FSTL5: variants seen among roughly 807,000 people sequenced by gnomAD.
FSTL5 encodes follistatin-related protein 5.
A neutral mutation model predicts 89.1 loss-of-function variants in FSTL5; 62 were observed. The ratio of observed to expected loss-of-function variants is 0.70; its 90% CI spans 0.57 to 0.86. The LOEUF (loss-of-function observed/expected upper bound fraction) is 0.86, where lower values mean the gene tolerates loss of function less well. FSTL5 is among the 40% of genes least tolerant of loss of function. FSTL5 has a pLI of 0.00. For missense variants in FSTL5, 1,057 were observed against 1,001.6 expected (o/e 1.06, Z -0.75); for synonymous variants, 383 against 346.2 (o/e 1.11, Z -1.18).
intron 6 of FSTL5, among the ~76,000 whole-genome samples, chr4:161,707,926 C>T (rs760182869): frequency 7.2e-5 from 11 of 151,964 alleles, no homozygotes; most frequent in Non-Finnish European, 1.0e-4. Context: ...TTAAGAGATA[C>T]TCATTTTCCC....
chr4:161,720,566 T>C (rs1433721120), intron 6 of FSTL5, among the ~76,000 whole-genome samples: 1 of 152,206 alleles, frequency 6.6e-6, no homozygotes, highest in African/African-American at 2.4e-5. Flanking sequence ...TACTCCTATG[T>C]TCATTATGGT....
At chr4:162,112,273 C>T (rs1731474267) in intron 1 of FSTL5, among the ~76,000 whole-genome samples, 1 of 152,062 alleles carries the variant, frequency 6.6e-6, no homozygotes, top group Admixed American at 6.6e-5. Flanking sequence ...TTGCTCTATG[C>T]TGTATTTTGG....
At chr4:161,630,961 G>A (rs538647500) in intron 7 of FSTL5, among the ~76,000 whole-genome samples, 103 of 152,156 alleles carry the variant, frequency 6.8e-4, no homozygotes, top group Non-Finnish European at 1.2e-3. Context: ...GCTCTTCTGC[G>A]TTTTTCCAAT....
intron 2 of FSTL5, among the ~76,000 whole-genome samples, chr4:162,044,785 T>C (rs1443487180): frequency 3.3e-5 from 5 of 152,210 alleles, no homozygotes; most frequent in African/African-American, 1.2e-4. Flanking sequence ...TCTTATATTA[T>C]AGAGACAGCT....
At chr4:162,014,930 G>A (rs1341491260) in intron 3 of FSTL5, among the ~76,000 whole-genome samples, 5 of 152,128 alleles carry the variant, frequency 3.3e-5, no homozygotes, top group Non-Finnish European at 7.4e-5. Context: ...AAAAACAGCA[G>A]CTAGAAATGC....
intron 6 of FSTL5, among the ~76,000 whole-genome samples, chr4:161,674,916 C>T (rs934757461): frequency 3.9e-5 from 6 of 152,076 alleles, no homozygotes; most frequent in Admixed American, 3.9e-4. Flanking sequence ...GGGGGCTCCA[C>T]TGGGGATGGA....
intron 4 of FSTL5, among the ~76,000 whole-genome samples, chr4:161,806,111 G>A (rs2126834530): frequency 6.6e-6 from 1 of 152,170 alleles, no homozygotes; most frequent in Middle Eastern, 3.4e-3. Flanking sequence ...AGGTAAGAAA[G>A]GACTACTTTT....
chr4:161,923,432 A>C (rs1160171788), intron 3 of FSTL5, among the ~76,000 whole-genome samples: 1 of 151,904 alleles, frequency 6.6e-6, no homozygotes. Context: ...CCCCATCCTT[A>C]TGCCAGTTTT....
intron 3 of FSTL5, among the ~76,000 whole-genome samples, chr4:161,969,364 G>C (rs1201024256): frequency 1.3e-5 from 2 of 151,966 alleles, no homozygotes; most frequent in African/African-American, 4.8e-5. Flanking sequence ...ACATTTTTGG[G>C]AAACAAAAAG....
chr4:161,582,716 A>G (rs939337534), intron 8 of FSTL5, among the ~76,000 whole-genome samples: 1 of 152,318 alleles, frequency 6.6e-6, no homozygotes, highest in Non-Finnish European at 1.5e-5. Context: ...AACTTTGCAA[A>G]TAAGGTGGCT....
At chr4:161,923,057 T>C (rs1365865525) in intron 3 of FSTL5, among the ~76,000 whole-genome samples, 1 of 151,936 alleles carries the variant, frequency 6.6e-6, no homozygotes, top group Non-Finnish European at 1.5e-5. Flanking sequence ...TTTCAGCCAA[T>C]CACAGGAAAT....
intron 13 of FSTL5, among the ~76,000 whole-genome samples, chr4:161,477,202 T>C (rs80320931): frequency 0.2 from 30,301 of 151,398 alleles, 3,933 homozygotes; most frequent in Non-Finnish European, 0.29. Context: ...ATATTCATCA[T>C]TTCTACTGAG....
chr4:161,579,793 TG>T (rs1445885522), intron 8 of FSTL5, among the ~76,000 whole-genome samples: 17 of 142,634 alleles, frequency 1.2e-4, no homozygotes, highest in African/African-American at 4.1e-4. Flanking sequence ...CATTTGAAAA[TG>T]GATTGCAAAA....
intron 2 of FSTL5, among the ~76,000 whole-genome samples, chr4:162,036,476 A>G (rs1737745158): frequency 6.6e-6 from 1 of 152,084 alleles, no homozygotes; most frequent in South Asian, 2.1e-4. Context: ...CAAAGTAGGT[A>G]GATAAAACTC....
At chr4:161,873,895 A>C (rs530911304) in intron 4 of FSTL5, among the ~76,000 whole-genome samples, 139 of 151,890 alleles carry the variant, frequency 9.2e-4, no homozygotes, top group African/African-American at 3.3e-3. Context: ...ACTTCAGTAC[A>C]GTGTTTTAGT....
At chr4:162,053,750 A>G (rs1738453764) in intron 2 of FSTL5, among the ~76,000 whole-genome samples, 1 of 151,842 alleles carries the variant, frequency 6.6e-6, no homozygotes, top group South Asian at 2.1e-4. Flanking sequence ...TATAACATCA[A>G]ATCCAACTTT....
intron 4 of FSTL5, among the ~76,000 whole-genome samples, chr4:161,808,665 G>T (rs1412878296): frequency 6.6e-6 from 1 of 151,778 alleles, no homozygotes; most frequent in Non-Finnish European, 1.5e-5. Context: ...CATCAAAATT[G>T]AAAACTGTTC....
intron 15 of FSTL5, among the ~76,000 whole-genome samples, chr4:161,399,412 A>C (rs1304407907): frequency 2.1e-4 from 32 of 152,284 alleles, no homozygotes; most frequent in Non-Finnish European, 2.9e-5. Flanking sequence ...TTAGAAAATC[A>C]TAATGAAGAG....
chr4:161,673,412 T>G (rs1198700470), intron 6 of FSTL5, among the ~76,000 whole-genome samples: 1 of 152,038 alleles, frequency 6.6e-6, no homozygotes, highest in Non-Finnish European at 1.5e-5. Context: ...TTGAAGTAAT[T>G]TTATGAACTG....
Sources: allele counts gnomAD v4.1 joint callset (sites outside exome capture counted in the v4.1 genomes callset), GRCh38; gene constraint gnomAD v4.1.1; transcripts MANE v1.5; gene names NCBI Gene and HGNC (gene_info 2026-07-23, HGNC 2026-07-21).